Variants in HYAL4 observed in about 807,000 individuals in gnomAD.
HYAL4 encodes hyaluronidase-4.
A neutral mutation model predicts 35.2 loss-of-function variants in HYAL4; 37 were observed. The ratio of observed to expected loss-of-function variants is 1.05; its 90% CI spans 0.81 to 1.38. The LOEUF (loss-of-function observed/expected upper bound fraction) is 1.38. HYAL4 is among the 40% of genes most tolerant of loss of function. HYAL4 has a pLI of 0.00. For missense variants in HYAL4, 572 were observed against 572.4 expected (o/e 1.00, Z 0.01); for synonymous variants, 198 against 203.2 (o/e 0.97, Z 0.22).
intron 1 of HYAL4, among the ~76,000 whole-genome samples, chr7:123,846,775 C>T (rs934466321): frequency 2.0e-4 from 30 of 152,188 alleles, no homozygotes; most frequent in African/African-American, 7.0e-4. Flanking sequence ...TGAGACAAGG[C>T]AGAAATAGCT....
At chr7:123,869,841 C>G (rs34420114) in intron 3 of HYAL4, among the ~76,000 whole-genome samples, 4 of 144,840 alleles carry the variant, frequency 2.8e-5, no homozygotes, top group Non-Finnish European at 4.5e-5. Context: ...GTGCTCACCC[C>G]CCCCCACCCA....
At chr7:123,776,153 G>A in the HYAL4 span, among the ~76,000 whole-genome samples, 1 of 152,212 alleles carries the variant, frequency 6.6e-6, no homozygotes, top group Non-Finnish European at 1.5e-5. Context: ...CAGCTTTAAA[G>A]AGGACTGTGC....
chr7:123,798,592 G>A, the HYAL4 span, among the ~76,000 whole-genome samples: 1 of 152,202 alleles, frequency 6.6e-6, no homozygotes, highest in Non-Finnish European at 1.5e-5. Context: ...GTGGTTGGGT[G>A]TGTCAATCAC....
the HYAL4 span, among the ~76,000 whole-genome samples, chr7:123,785,565 C>A: frequency 3.9e-5 from 6 of 152,154 alleles, no homozygotes; most frequent in African/African-American, 1.4e-4. The surrounding 1 kb of genome is among the most constrained non-coding windows in gnomAD (Gnocchi z 4.5). Flanking sequence ...TTCTTAGTCC[C>A]AGTTTCACCA....
At chr7:123,831,830 G>C (rs1805887350) in intron 1 of HYAL4, among the ~76,000 whole-genome samples, 1 of 152,186 alleles carries the variant, frequency 6.6e-6, no homozygotes, top group Non-Finnish European at 1.5e-5. Flanking sequence ...ACAAGTGAGA[G>C]TGCATCTGTA....
At chr7:123,771,308 A>G in the HYAL4 span, among the ~76,000 whole-genome samples, 2 of 152,202 alleles carry the variant, frequency 1.3e-5, no homozygotes, top group African/African-American at 2.4e-5. Flanking sequence ...CTCAGTCAAC[A>G]TGGTATCATG....
the HYAL4 span, among the ~76,000 whole-genome samples, chr7:123,817,042 G>C: frequency 6.6e-6 from 1 of 152,126 alleles, no homozygotes; most frequent in South Asian, 2.1e-4. Context: ...TATAACGCAG[G>C]AAAGCTTACA....
chr7:123,865,632 G>A (rs137997703), intron 2 of HYAL4, among the ~76,000 whole-genome samples: 1,687 of 152,234 alleles, frequency 0.011, 12 homozygotes, highest in Non-Finnish European at 0.017. Flanking sequence ...GTCTTTGGAG[G>A]AAGTTTTGTG....
At chr7:123,769,822 A>G in the HYAL4 span, among the ~76,000 whole-genome samples, 10 of 100,472 alleles carry the variant, frequency 1.0e-4, no homozygotes, top group African/African-American at 2.4e-4. Flanking sequence ...AAGAGACTTG[A>G]AAAAAAAAAA....
At chr7:123,798,661 T>TG in the HYAL4 span, among the ~76,000 whole-genome samples, 1 of 152,180 alleles carries the variant, frequency 6.6e-6, no homozygotes, top group African/African-American at 2.4e-5. Flanking sequence ...GTGGCATTCT[T>TG]GCAATTAAAT....
the HYAL4 span, among the ~76,000 whole-genome samples, chr7:123,779,553 G>A: frequency 2.0e-5 from 3 of 152,016 alleles, no homozygotes; most frequent in South Asian, 6.2e-4. Flanking sequence ...GGTGGTAAGG[G>A]TATAGATGGA....
chr7:123,856,906 G>T (rs990197454), intron 2 of HYAL4, among the ~76,000 whole-genome samples: 2 of 152,160 alleles, frequency 1.3e-5, no homozygotes, highest in East Asian at 3.9e-4. Context: ...ATCTAGAGAG[G>T]CAGTTTGGCT....
chr7:123,873,931 T>C (rs1047662090), intron 3 of HYAL4, among the ~76,000 whole-genome samples: 7 of 152,114 alleles, frequency 4.6e-5, no homozygotes, highest in African/African-American at 1.4e-4. Flanking sequence ...GGGACAAATA[T>C]AAAAGCTGGA....
chr7:123,876,761 G>A lies in HYAL4; in HGVS notation c.1052G>A (p.Cys351Tyr). 1 of 1,612,370 alleles carries A rather than the reference G, an allele frequency of 6.2e-7. No individual in the cohort carries two copies. The highest frequency in any genetic ancestry group is 8.5e-7 in the Non-Finnish European group (1 of 1,178,572). The change falls in exon 5 of 5, where the codon TGT (cysteine) becomes TAT (tyrosine). Residue 351 changes from cysteine (C) to tyrosine (Y), a missense_variant. Cys to Tyr is a radical substitution (Grantham distance 194). Coordinates refer to ENST00000223026, the MANE Select transcript of HYAL4 (RefSeq NM_012269.3). The stretch of plus-strand genomic sequence containing the variant: ...TTCTTCCTACATTTCTAGGCCAACT[G>A]TACAAAGGTGAAGCAGTTTGTGAGT... ...DMNLTASKAN[C>Y]TKVKQFVSSD...
upstream of HYAL4, among the ~76,000 whole-genome samples, chr7:123,844,052 T>A (rs1008998472): frequency 1.3e-5 from 2 of 152,088 alleles, no homozygotes; most frequent in Non-Finnish European, 2.9e-5. Flanking sequence ...GGTGAGGAGC[T>A]GCGATCCTTT....
chr7:123,803,618 T>G, the HYAL4 span, among the ~76,000 whole-genome samples: 26 of 152,312 alleles, frequency 1.7e-4, no homozygotes, highest in South Asian at 5.2e-3. Flanking sequence ...AATTCTATCT[T>G]CAGATCTCAT....
chr7:123,823,461 A>G, the HYAL4 span, among the ~76,000 whole-genome samples: 1 of 152,018 alleles, frequency 6.6e-6, no homozygotes, highest in South Asian at 2.1e-4. Flanking sequence ...TAATGCTGGC[A>G]TCATAAAGTG....
In HYAL4 at chr7:123,876,752, A is replaced by T. The variant is rs1045052831; in HGVS notation, c.1045-2A>T. ...AAAATTGATTTCTTCCTACATTTCT[A>T]GGCCAACTGTACAAAGGTGAAGCAG... is the stretch of plus-strand genomic sequence containing the variant. On this transcript the variant is annotated splice_acceptor_variant, in intron 4 of 4. Coordinates refer to ENST00000223026, the MANE Select transcript of HYAL4 (RefSeq NM_012269.3). LOFTEE classifies it high-confidence loss of function. 14 of 1,606,028 alleles carry T rather than the reference A, an allele frequency of 8.7e-6. No individual in the cohort carries two copies. Among genetic ancestry groups the T allele is most frequent in the Middle Eastern group, 3.3e-4 (2 of 6,022 alleles).
chr7:123,876,985 C>G lies in HYAL4; in HGVS notation c.1276C>G (p.Leu426Val), dbSNP rs1416710846. Residue 426 changes from leucine to valine, a missense_variant, in exon 5 of 5, where the codon CTG (leucine) becomes GTG (valine). By Grantham distance (32) the Leu-to-Val change is conservative. Transcript: ENST00000223026. ...TVKGKASDTDLAVMADTFSCH... is the reference protein window; with the variant it reads ...TVKGKASDTDVAVMADTFSCH... ...GAAAGGAAAAGCATCTGATACAGAC[C>G]TGGCAGTGATGGCAGATACATTTTC... 2.5e-6 allele frequency: 4 copies of G among 1,614,172 alleles called. No individual in the cohort carries two copies. Among genetic ancestry groups the G allele is most frequent in the Admixed American group, 1.7e-5 (1 of 60,026 alleles).
Sources: gnomAD v4.1 joint callset for allele counts (sites outside exome capture counted in the v4.1 genomes callset) on GRCh38, gnomAD v4.1.1 for gene constraint, Gnocchi (gnomAD v3.1) non-coding constraint, MANE v1.5 for transcripts, NCBI Gene and HGNC (gene_info 2026-07-23, HGNC 2026-07-21) for gene names.